ADAMTS17: variants seen among roughly 807,000 people sequenced by gnomAD.
ADAMTS17 encodes the protein A disintegrin and metalloproteinase with thrombospondin motifs 17.
Under a neutral mutation model 141.5 loss-of-function variants are expected in ADAMTS17, and 113 were observed. The observed-to-expected ratio is 0.80, with a 90% CI of 0.69 to 0.93. ADAMTS17 has a LOEUF of 0.93. ADAMTS17 is among the 40% of genes least tolerant of loss of function. The pLI, the probability that ADAMTS17 is intolerant of heterozygous loss-of-function variation, is 0.00. For synonymous variants in ADAMTS17, 768 were observed against 630.6 expected, an observed-to-expected ratio of 1.22 and a Z score of -3.27; for missense variants, 1,659 against 1,517.9, an observed-to-expected ratio of 1.09 and a Z score of -1.54.
intron 20 of ADAMTS17, among the ~76,000 whole-genome samples, chr15:99,978,238 G>A (rs1173389295): frequency 6.6e-6 from 1 of 152,178 alleles, no homozygotes; most frequent in Non-Finnish European, 1.5e-5. Context: ...GCTCCCAGGG[G>A]GGCTTCTGCA....
intron 20 of ADAMTS17, among the ~76,000 whole-genome samples, chr15:99,977,394 A>T (rs1567632512): frequency 0.031 from 164 of 5,316 alleles, 7 homozygotes; most frequent in Non-Finnish European, 0.038. Context: ...ATATATATAT[A>T]TATATAATTT....
At chr15:99,977,262 G>T (rs1484806504) in intron 20 of ADAMTS17, among the ~76,000 whole-genome samples, 2 of 148,378 alleles carry the variant, frequency 1.3e-5, no homozygotes, top group Non-Finnish European at 3.0e-5. Context: ...GCTAAAACCT[G>T]GTCAACATAG....
At chr15:100,263,737 A>C (rs1240293244) in intron 4 of ADAMTS17, among the ~76,000 whole-genome samples, 4 of 152,242 alleles carry the variant, frequency 2.6e-5, no homozygotes, top group African/African-American at 4.8e-5. Context: ...AGGGAACAAG[A>C]ATGAGAATCT....
chr15:100,278,173 G>A (rs1424101538), intron 4 of ADAMTS17, among the ~76,000 whole-genome samples: 1 of 152,148 alleles, frequency 6.6e-6, no homozygotes, highest in Non-Finnish European at 1.5e-5. Flanking sequence ...TGTTTAATGG[G>A]CAGGAAGTTT....
intron 8 of ADAMTS17, among the ~76,000 whole-genome samples, chr15:100,162,386 ATAAC>A (rs1333276355): frequency 1.4e-5 from 2 of 147,508 alleles, no homozygotes; most frequent in South Asian, 4.2e-4. Context: ...TGTTATATAT[ATAAC>A]TATCTATATG....
intron 10 of ADAMTS17, among the ~76,000 whole-genome samples, chr15:100,144,713 T>G (rs1463404649): frequency 2.0e-5 from 3 of 151,906 alleles, no homozygotes; most frequent in South Asian, 2.1e-4. Flanking sequence ...GTTCACCAAT[T>G]CTTTGAAATC....
At chr15:100,052,134 T>C (rs1008518763) in intron 16 of ADAMTS17, among the ~76,000 whole-genome samples, 1 of 152,240 alleles carries the variant, frequency 6.6e-6, no homozygotes, top group Non-Finnish European at 1.5e-5. Context: ...AGATAAACTT[T>C]TACCTAGAAA....
chr15:100,181,939 A>C (rs1422185276), intron 8 of ADAMTS17, among the ~76,000 whole-genome samples: 1 of 152,228 alleles, frequency 6.6e-6, no homozygotes, highest in East Asian at 1.9e-4. Flanking sequence ...ACGTTTATTT[A>C]GAACCCCAGA....
intron 12 of ADAMTS17, chr15:100,128,981 C>T (rs2037892400): frequency 6.6e-6 from 1 of 152,238 alleles, no homozygotes; most frequent in South Asian, 2.1e-4. Flanking sequence ...GCAGACAACA[C>T]CAGTTCCCTT....
chr15:99,973,841 G>A lies in ADAMTS17; in HGVS notation c.*561C>T. 5.3e-6 allele frequency: 1 copy of A among 187,462 alleles called. No homozygotes were observed. The highest frequency in any genetic ancestry group is 1.1e-4 in the South Asian group (1 of 9,250). 11.6% of individuals were successfully genotyped at this position (187,462 alleles called of 1,614,324 possible). A position where few individuals can be genotyped will look rare whatever the true frequency, so the allele number is the denominator to read the frequency against. On this transcript the variant is annotated 3_prime_UTR_variant, in exon 22 of 22. Transcript: ENST00000268070. ...AGGATTTAGAGACTATGTTCTCAGA[G>A]ACGGGCATGGAGGCAACGTCCTGGT...
chr15:100,147,990 T>C (rs945897723), intron 10 of ADAMTS17, among the ~76,000 whole-genome samples: 7 of 152,236 alleles, frequency 4.6e-5, no homozygotes, highest in African/African-American at 9.6e-5. Flanking sequence ...CCTTGGCTCA[T>C]AGCCCCTTCC....
intron 13 of ADAMTS17, 86 bp from the exon 14 acceptor site, chr15:100,109,202 C>T (rs2036591917): frequency 9.1e-6 from 14 of 1,543,138 alleles, no homozygotes; most frequent in Middle Eastern, 3.4e-4. Context: ...CAGAGGGAAA[C>T]CCTGAGGAAG....
At chr15:100,097,266 TCCA>T (rs1277800698) in intron 14 of ADAMTS17, among the ~76,000 whole-genome samples, 1 of 152,226 alleles carries the variant, frequency 6.6e-6, no homozygotes, top group South Asian at 2.1e-4. Flanking sequence ...TAAATGTCCC[TCCA>T]CATTTTCCCC....
intron 3 of ADAMTS17, among the ~76,000 whole-genome samples, chr15:100,283,977 G>C (rs76726602): frequency 6.6e-6 from 1 of 152,046 alleles, no homozygotes; most frequent in Non-Finnish European, 1.5e-5. Context: ...ATGGTGGTGC[G>C]TGCCTGTAAT....
At position 100,238,246 on chromosome 15, in the gene ADAMTS17, C is replaced by T. The variant is rs943193003; in HGVS notation, c.1075+15890G>A. ...CCTTTGGCCACTCCAGGTAAAATTT[C>T]AGGTCCCAGCCCCTCCACTTCCCAC... is the stretch of plus-strand genomic sequence containing the variant. On this transcript the variant is annotated intron_variant, in intron 7 of 21. Transcript: ENST00000268070. 9.8e-5 allele frequency among the ~76,000 whole-genome samples: 15 copies of T among 152,336 alleles called. 1 individual carries two copies. Among genetic ancestry groups the T allele is most frequent in the Middle Eastern group, 6.8e-3 (2 of 294 alleles).
At chr15:99,977,010 C>T (rs1442927151) in intron 20 of ADAMTS17, among the ~76,000 whole-genome samples, 2 of 152,160 alleles carry the variant, frequency 1.3e-5, no homozygotes, top group African/African-American at 4.8e-5. Context: ...CTCCCAAGCA[C>T]TGTCTGCTGC....
intron 18 of ADAMTS17, among the ~76,000 whole-genome samples, chr15:99,999,595 T>G (rs2060878262): frequency 6.6e-6 from 1 of 152,162 alleles, no homozygotes; most frequent in Non-Finnish European, 1.5e-5. Context: ...GTGAGATACC[T>G]AGGGCCTGGC....
chr15:100,152,748 G>T lies in ADAMTS17; in HGVS notation c.1337C>A (p.Thr446Asn), dbSNP rs72755233. 9 of 1,614,030 alleles carry T rather than the reference G, an allele frequency of 5.6e-6. No homozygotes were observed. The East Asian group carries it at 2.0e-4, about 36-fold the overall frequency. The change falls in exon 10 of 22, where the codon ACC becomes AAC. Residue 446 changes from threonine (T) to asparagine (N), a missense_variant. By Grantham distance (65) the Thr-to-Asn change is moderately conservative. Coordinates refer to ENST00000268070, the MANE Select transcript of ADAMTS17 (RefSeq NM_139057.4). ...TCTGGGGTCCGTGACTAGCAAGCAGGTGCTGACTTTTGACCTGAAACAGCC... is the reference window on the plus strand; with the variant it reads ...TCTGGGGTCCGTGACTAGCAAGCAGTTGCTGACTTTTGACCTGAAACAGCC... ...LENFLKSKVSTCLLVTDPRSQ... is the reference protein window; with the variant it reads ...LENFLKSKVSNCLLVTDPRSQ...
intron 8 of ADAMTS17, among the ~76,000 whole-genome samples, chr15:100,157,743 G>A (rs2039501462): frequency 1.3e-5 from 2 of 149,138 alleles, no homozygotes; most frequent in African/African-American, 4.9e-5. Context: ...GTGGCAGACT[G>A]CTTGGCAGAA....
Sources: allele counts gnomAD v4.1 joint callset (sites outside exome capture counted in the v4.1 genomes callset), GRCh38; gene constraint gnomAD v4.1.1; transcripts MANE v1.5; gene names NCBI Gene and HGNC (gene_info 2026-07-23, HGNC 2026-07-21).